Variants in GPATCH1 observed in about 807,000 individuals in gnomAD.
The protein encoded by GPATCH1 is G-patch domain containing 1.
In GPATCH1, 73 loss-of-function variants were observed where a neutral mutation model predicts 114.9. That is an observed-to-expected ratio of 0.64 (90% confidence interval 0.53 to 0.77). GPATCH1 has a LOEUF of 0.77. Ranked by LOEUF, GPATCH1 falls within the 30% of genes least tolerant of loss-of-function variation. The pLI, the probability that GPATCH1 is intolerant of heterozygous loss-of-function variation, is 0.00. For synonymous variants in GPATCH1, 391 were observed against 428.4 expected, an observed-to-expected ratio of 0.91 and a Z score of 1.08; for missense variants, 1,058 against 1,144.3, an observed-to-expected ratio of 0.92 and a Z score of 1.09.
At chr19:33,117,573 G>A (rs1395137081) in intron 15 of GPATCH1, among the ~76,000 whole-genome samples, 1 of 151,968 alleles carries the variant, frequency 6.6e-6, no homozygotes, top group Non-Finnish European at 1.5e-5. Context: ...GAATTACAGG[G>A]GTGAGCCACC....
chr19:33,113,075 G>A (rs1972875316), intron 13 of GPATCH1: 1 of 156,950 alleles, frequency 6.4e-6, no homozygotes, highest in Non-Finnish European at 1.4e-5. Flanking sequence ...CCAGGAGTTC[G>A]AGGCCAGCCC....
chr19:33,091,913 CTCTT>C (rs1473555269), intron 3 of GPATCH1, among the ~76,000 whole-genome samples: 1 of 152,154 alleles, frequency 6.6e-6, no homozygotes, highest in Non-Finnish European at 1.5e-5. Context: ...CCCAGGCTCT[CTCTT>C]CTCAGTCTTC....
intron 4 of GPATCH1, 54 bp from the exon 5 acceptor site, chr19:33,094,118 A>G (rs909060461): frequency 7.4e-5 from 72 of 974,814 alleles, no homozygotes; most frequent in Non-Finnish European, 1.0e-5. Context: ...CTTATTTCAT[A>G]TTCTTTGTTA....
At chr19:33,102,327 C>G (rs1972736171) in intron 9 of GPATCH1, among the ~76,000 whole-genome samples, 1 of 151,772 alleles carries the variant, frequency 6.6e-6, no homozygotes, top group African/African-American at 2.4e-5. Flanking sequence ...AAGAGCAAAA[C>G]TCCGTATCGA....
Position 33,090,788 on chromosome 19 carries a change from C to A in GPATCH1, c.217C>A (p.Pro73Thr). 1 of 1,608,216 alleles carries A rather than the reference C, an allele frequency of 6.2e-7. No individual in the cohort carries two copies. The highest frequency in any genetic ancestry group is 8.5e-7 in the Non-Finnish European group (1 of 1,174,924). Residue 73 changes from proline (P) to threonine (T), a missense_variant, in exon 3 of 20, where the codon CCC (proline) becomes ACC (threonine). This residue lies in a region of GPATCH1 where 131 missense variants were observed against 107.2 expected (regional missense o/e 1.22). Transcript: ENST00000170564. ...AACTCTTTTTTTTTCAGGATGGACA[C>A]CCTCTACCTTTGTGTCTTCACGACA... ...NTVGSKEGWTPSTFVSSRQNR... is the reference protein window; with the variant it reads ...NTVGSKEGWTTSTFVSSRQNR...
chr19:33,120,721 G>A (rs1972974098), intron 17 of GPATCH1, among the ~76,000 whole-genome samples: 1 of 151,870 alleles, frequency 6.6e-6, no homozygotes, highest in Non-Finnish European at 1.5e-5. Context: ...TGGGCACGGT[G>A]GCTCACGCCT....
rs1156507982 is a variant in GPATCH1 at position 33,081,215 on chromosome 19, A to G, written c.22A>G (p.Ser8Gly). Residue 8 changes from serine (S) to glycine (G), a missense_variant, in exon 1 of 20, where the codon AGC becomes GGC. This residue lies in a region of GPATCH1 where 131 missense variants were observed against 107.2 expected (regional missense o/e 1.22). Coordinates refer to ENST00000170564, the MANE Select transcript of GPATCH1 (RefSeq NM_018025.3). Reference protein sequence around the residue: MAARDSDSEEDLVSYGTG... With the variant: MAARDSDGEEDLVSYGTG... ...CAGGATGGCGGCGCGGGACAGTGAC[A>G]GCGAAGAAGATCTGGTCAGCTATGG... The G allele has an allele frequency of 1.9e-6, 3 of 1,551,576 alleles. No homozygotes were observed. Among genetic ancestry groups the G allele is most frequent in the East Asian group, 2.4e-5 (1 of 40,974 alleles).
At chr19:33,109,205 A>G (rs1221303698) in intron 10 of GPATCH1, among the ~76,000 whole-genome samples, 1 of 151,980 alleles carries the variant, frequency 6.6e-6, no homozygotes, top group African/African-American at 2.4e-5. Flanking sequence ...TGACACAGCG[A>G]GACCATGTCT....
chr19:33,090,776 T>C lies in GPATCH1; in HGVS notation c.209-4T>C, dbSNP rs1972585251. On this transcript the variant is annotated splice_region_variant and splice_polypyrimidine_tract_variant and intron_variant, in intron 2 of 19. Coordinates refer to ENST00000170564, the MANE Select transcript of GPATCH1 (RefSeq NM_018025.3). The stretch of plus-strand genomic sequence containing the variant: ...TGTAAAGTTCTAAACTCTTTTTTTT[T>C]CAGGATGGACACCCTCTACCTTTGT... 6.3e-7 allele frequency: 1 copy of C among 1,599,718 alleles called. No homozygotes were observed. Among genetic ancestry groups the C allele is most frequent in the Non-Finnish European group, 8.6e-7 (1 of 1,167,194 alleles).
At chr19:33,103,572 G>A (rs569117600) in intron 9 of GPATCH1, among the ~76,000 whole-genome samples, 19 of 151,958 alleles carry the variant, frequency 1.3e-4, no homozygotes, top group African/African-American at 3.6e-4. Flanking sequence ...ATGGTGGTAC[G>A]TGTCTGTAAA....
At chr19:33,126,507 A>G in intron 18 of GPATCH1, 81 bp from the exon 19 acceptor site, 1 of 1,583,000 alleles carries the variant, frequency 6.3e-7, no homozygotes. Context: ...CCATCACTGC[A>G]GCCTTGTTAA....
intron 3 of GPATCH1, among the ~76,000 whole-genome samples, chr19:33,093,152 C>T (rs1972615592): frequency 6.6e-6 from 1 of 152,130 alleles, no homozygotes; most frequent in South Asian, 2.1e-4. Context: ...TGCACCACTG[C>T]ACTCCGGCCT....
intron 17 of GPATCH1, among the ~76,000 whole-genome samples, chr19:33,123,248 A>G (rs986632277): frequency 7.2e-5 from 11 of 151,898 alleles, no homozygotes; most frequent in Non-Finnish European, 2.9e-5. Flanking sequence ...TAAAAATACA[A>G]AATTAGCCAG....
chr19:33,121,310 C>T (rs1163644397), intron 17 of GPATCH1, among the ~76,000 whole-genome samples: 1 of 137,838 alleles, frequency 7.3e-6, no homozygotes, highest in South Asian at 2.6e-4. Flanking sequence ...TTTTCTTTTT[C>T]TTTTCTTTTC....
intron 9 of GPATCH1, among the ~76,000 whole-genome samples, chr19:33,105,880 G>GT (rs1252367995): frequency 6.7e-6 from 1 of 149,570 alleles, no homozygotes; most frequent in Non-Finnish European, 1.5e-5. Context: ...GTCTCGCTCT[G>GT]TTTCAGCTCT....
In GPATCH1 at chr19:33,113,899, C is replaced by T. The variant is rs746395717; in HGVS notation, c.2025C>T (p.Pro675=). The T allele has an allele frequency of 9.9e-6, 16 of 1,613,798 alleles. No individual in the cohort carries two copies. Among genetic ancestry groups the T allele is most frequent in the African/African-American group, 4.0e-5 (3 of 74,892 alleles). Residue 675 remains proline (P), a synonymous_variant, in exon 14 of 20, where the codon CCC becomes CCT. Coordinates refer to ENST00000170564, the MANE Select transcript of GPATCH1 (RefSeq NM_018025.3). ...SSEKVSQHRG[P]DKSRKPSRWD... ...AAAAAGTATCACAGCACCGAGGTCC[C>T]GACAGTGAGTAGGGCGTCCCCGGGG...
chr19:33,094,806 A>G (rs1163439898), intron 5 of GPATCH1, among the ~76,000 whole-genome samples: 1 of 152,018 alleles, frequency 6.6e-6, no homozygotes, highest in Non-Finnish European at 1.5e-5. Flanking sequence ...TGGGTTCCTT[A>G]TGCTGTGGGG....
chr19:33,085,076 C>G (rs952651447), intron 1 of GPATCH1, among the ~76,000 whole-genome samples: 2 of 152,178 alleles, frequency 1.3e-5, no homozygotes, highest in Non-Finnish European at 2.9e-5. Context: ...TGCAGACCTT[C>G]TCATTGTCAG....
At chr19:33,104,164 T>C (rs1195732769) in intron 9 of GPATCH1, among the ~76,000 whole-genome samples, 1 of 145,892 alleles carries the variant, frequency 6.9e-6, no homozygotes, top group Non-Finnish European at 1.5e-5. Flanking sequence ...ACCCCATCTC[T>C]ACAAAAAATA....
Sources: gnomAD v4.1 joint callset for allele counts (sites outside exome capture counted in the v4.1 genomes callset) on GRCh38, gnomAD v4.1.1 for gene constraint, gnomAD v4.1.1 regional missense constraint, MANE v1.5 for transcripts, NCBI Gene and HGNC (gene_info 2026-07-23, HGNC 2026-07-21) for gene names.